Variants in ALAS2 observed in about 807,000 individuals in gnomAD.
The protein encoded by ALAS2 is 5'-aminolevulinate synthase 2.
A neutral mutation model predicts 33.7 loss-of-function variants in ALAS2; 3 were observed. That is an observed-to-expected ratio of 0.09 (90% CI 0.04 to 0.23). ALAS2 has a LOEUF of 0.23. Ranked by LOEUF, ALAS2 falls within the 10% of genes least tolerant of loss-of-function variation. ALAS2 has a pLI of 1.00. For missense variants in ALAS2, 304 were observed against 475.1 expected (o/e 0.64, Z 3.35); for synonymous variants, 191 against 177.3 (o/e 1.08, Z -0.61).
At chrX:55,020,632 T>C in intron 5 of ALAS2, 128 bp from the exon 6 acceptor site, 1 of 659,678 alleles carries the variant, frequency 1.5e-6, no homozygotes, top group East Asian at 3.5e-5. Context: ...CTGTGTCCTA[T>C]GAGACAAAGT....
At chrX:55,022,815 T>G (rs1425256589) in intron 4 of ALAS2, among the ~76,000 whole-genome samples, 1 of 111,670 alleles carries the variant, frequency 9.0e-6, no homozygotes, top group South Asian at 3.7e-4. Context: ...ACAAAATATT[T>G]TGAAGCATTG....
At chrX:55,013,725 G>T in intron 9 of ALAS2, 77 bp from the exon 10 acceptor site, 14 of 1,099,641 alleles carry the variant, frequency 1.3e-5, no homozygotes, top group Non-Finnish European at 1.8e-5. Flanking sequence ...CAGATGGAGG[G>T]AACTAGATGA....
intron 9 of ALAS2, among the ~76,000 whole-genome samples, chrX:55,013,922 A>G (rs1027540735): frequency 9.9e-5 from 11 of 111,002 alleles, no homozygotes; most frequent in African/African-American, 3.3e-4. Flanking sequence ...TACTTAGCTA[A>G]TATCTTAGTT....
chrX:55,028,550 C>T (rs913302918), intron 1 of ALAS2, among the ~76,000 whole-genome samples: 1 of 111,691 alleles, frequency 9.0e-6, no homozygotes, highest in Non-Finnish European at 1.9e-5. Flanking sequence ...GAGAAATTAA[C>T]ACACATCATT....
chrX:55,014,276 C>T (rs191678738), intron 9 of ALAS2, among the ~76,000 whole-genome samples: 4 of 111,797 alleles, frequency 3.6e-5, no homozygotes, highest in African/African-American at 6.5e-5. Flanking sequence ...ATAAGAAGTA[C>T]GTTTTACACC....
chrX:55,009,308 G>A lies in ALAS2; in HGVS notation c.1636C>T (p.Pro546Ser), dbSNP rs751006370. 6 of 1,202,394 alleles carry A rather than the reference G, an allele frequency of 5.0e-6. No individual in the cohort carries two copies. In the South Asian group the frequency reaches 1.1e-4, roughly 22 times the overall value. The part of the protein sequence containing the change: ...LLLAWTAVGL[P>S]LQDVSVAACN... ...GCAGCCACAGACACATCCTGGAGGGGCAGCCCCACCGCAGTCCAAGCCAGC... is the reference window on the plus strand; with the variant it reads ...GCAGCCACAGACACATCCTGGAGGGACAGCCCCACCGCAGTCCAAGCCAGC... Residue 546 changes from proline to serine, a missense_variant, in exon 11 of 11, where the codon CCC (proline) becomes TCC (serine). Coordinates refer to ENST00000650242, the MANE Select transcript of ALAS2 (RefSeq NM_000032.5).
intron 4 of ALAS2, among the ~76,000 whole-genome samples, chrX:55,023,251 A>AAT (rs1484431726): frequency 1.1e-4 from 12 of 109,669 alleles, no homozygotes; most frequent in Non-Finnish European, 1.9e-4. Context: ...TCTGGGAGAA[A>AAT]ATATAACAAA....
At chrX:55,029,166 A>G (rs902869572) in intron 1 of ALAS2, among the ~76,000 whole-genome samples, 1 of 112,113 alleles carries the variant, frequency 8.9e-6, no homozygotes. Flanking sequence ...GGGAAGTCAC[A>G]TGAATATACC....
intron 2 of ALAS2, among the ~76,000 whole-genome samples, chrX:55,025,530 C>G (rs1935877387): frequency 9.0e-6 from 1 of 110,518 alleles, no homozygotes; most frequent in Non-Finnish European, 1.9e-5. Flanking sequence ...TATGGGATTT[C>G]ACCATCTTGG....
chrX:55,015,277 T>G (rs1328904624), intron 8 of ALAS2, among the ~76,000 whole-genome samples: 1 of 106,761 alleles, frequency 9.4e-6, no homozygotes, highest in Non-Finnish European at 1.9e-5. Flanking sequence ...GGGTCAGGAG[T>G]GGAGCTAAGA....
At chrX:55,030,533 C>T (rs1935978061) in intron 1 of ALAS2, among the ~76,000 whole-genome samples, 1 of 110,829 alleles carries the variant, frequency 9.0e-6, no homozygotes, top group African/African-American at 3.3e-5. Context: ...AATATTAAGC[C>T]ATCGTTCTTG....
intron 1 of ALAS2, among the ~76,000 whole-genome samples, chrX:55,029,551 G>T (rs1178081724): frequency 2.7e-5 from 3 of 111,180 alleles, no homozygotes; most frequent in Non-Finnish European, 5.7e-5. Flanking sequence ...TCTTGACTGA[G>T]GGCCTGACTC....
chrX:55,018,752 C>G (rs996201913), intron 6 of ALAS2, among the ~76,000 whole-genome samples: 1 of 110,701 alleles, frequency 9.0e-6, no homozygotes, highest in East Asian at 2.8e-4. Flanking sequence ...AATGGGGGTC[C>G]ACTAAAGGGT....
At chrX:55,024,260 T>C (rs1225165425) in intron 3 of ALAS2, among the ~76,000 whole-genome samples, 1 of 112,222 alleles carries the variant, frequency 8.9e-6, no homozygotes, top group African/African-American at 3.2e-5. Context: ...CTATGAAAGA[T>C]GTCAACAGTG....
chrX:55,015,465 G>T, intron 8 of ALAS2, 113 bp downstream of exon 8: 1 of 885,732 alleles, frequency 1.1e-6, no homozygotes, highest in South Asian at 2.1e-5. Context: ...AGCAGCCTGG[G>T]GCTGTGAATT....
chrX:55,027,759 A>G (rs1430088801), intron 1 of ALAS2: 8 of 1,208,908 alleles, frequency 6.6e-6, no homozygotes, highest in African/African-American at 3.5e-5. Context: ...ACCTCACAAA[A>G]CAACCTCTTT....
intron 4 of ALAS2, among the ~76,000 whole-genome samples, chrX:55,022,383 GA>G (rs1935818042): frequency 9.0e-6 from 1 of 111,553 alleles, no homozygotes; most frequent in Non-Finnish European, 1.9e-5. Context: ...AAATTAACAT[GA>G]AAAATTTCAA....
chrX:55,024,668 T>C (rs1031250404), intron 3 of ALAS2, 50 bp downstream of exon 3: 1 of 1,205,761 alleles, frequency 8.3e-7, no homozygotes, highest in Non-Finnish European at 1.1e-6. Flanking sequence ...TGACGTAGTG[T>C]GTTCAAGCAT....
At chrX:55,020,557 C>A in intron 5 of ALAS2, 53 bp from the exon 6 acceptor site, 1 of 1,101,746 alleles carries the variant, frequency 9.1e-7, no homozygotes, top group Non-Finnish European at 1.2e-6. Context: ...TGTCAGGCAT[C>A]GAGGAACTGG....
Sources: gnomAD v4.1 joint callset for allele counts (sites outside exome capture counted in the v4.1 genomes callset) on GRCh38, gnomAD v4.1.1 for gene constraint, MANE v1.5 for transcripts, NCBI Gene and HGNC (gene_info 2026-07-23, HGNC 2026-07-21) for gene names.